The following TMEM209 variants were observed in gnomAD, a reference collection of about 807,000 sequenced individuals.
TMEM209 encodes the protein transmembrane protein 209.
A neutral mutation model predicts 76.2 loss-of-function variants in TMEM209; 65 were observed. The observed-to-expected ratio is 0.85, with a 90% CI of 0.70 to 1.05. TMEM209 has a LOEUF of 1.05. Among genes scored for constraint, TMEM209 ranks in the 50% least tolerant of loss-of-function variants. The pLI is 0.00. For synonymous variants in TMEM209, 239 were observed against 237.6 expected (o/e 1.01, Z -0.06); for missense variants, 623 against 685.5 (o/e 0.91, Z 1.02).
At chr7:130,191,103 G>A (rs1460893326) in intron 6 of TMEM209, among the ~76,000 whole-genome samples, 1 of 152,010 alleles carries the variant, frequency 6.6e-6, no homozygotes, top group Non-Finnish European at 1.5e-5. Flanking sequence ...GAAAACCCAT[G>A]GGTATAGAAG....
chr7:130,175,585 C>A lies in TMEM209; in HGVS notation c.1271G>T (p.Ser424Ile). 1.2e-6 allele frequency: 2 copies of A among 1,612,742 alleles called. No homozygotes were observed. Among genetic ancestry groups the A allele is most frequent in the Non-Finnish European group, 1.7e-6 (2 of 1,179,500 alleles). Residue 424 changes from serine to isoleucine, a missense_variant, in exon 11 of 15, where the codon AGC (serine) becomes ATC (isoleucine). By Grantham distance (142) the Ser-to-Ile change is moderately radical (BLOSUM62 -2). Coordinates refer to ENST00000397622, the MANE Select transcript of TMEM209 (RefSeq NM_032842.4). ...IKELSQGGCM[S>I]SFRWNRGGDF... ...GCCACCTCTGTTCCATCGAAATGAG[C>A]TCATACAACCTCCCTGAGATAGTTC...
At chr7:130,172,345 TTTTA>T (rs1313305135) in intron 13 of TMEM209, among the ~76,000 whole-genome samples, 10 of 152,186 alleles carry the variant, frequency 6.6e-5, no homozygotes, top group African/African-American at 2.4e-4. Context: ...ATTTATTTTA[TTTTA>T]TTTATTTTTT....
At chr7:130,203,323 G>A (rs939485646) in intron 3 of TMEM209, among the ~76,000 whole-genome samples, 3 of 152,118 alleles carry the variant, frequency 2.0e-5, no homozygotes, top group African/African-American at 4.8e-5. Context: ...ATCTCCCTGT[G>A]AAAGACTTTA....
intron 9 of TMEM209, 34 bp from the exon 10 acceptor site, chr7:130,178,561 T>A: frequency 6.2e-7 from 1 of 1,608,926 alleles, no homozygotes; most frequent in Non-Finnish European, 8.5e-7. Context: ...CACTGATTAT[T>A]CTAAAAGTGA....
intron 9 of TMEM209, among the ~76,000 whole-genome samples, chr7:130,179,119 C>A (rs1479432927): frequency 6.6e-6 from 1 of 152,124 alleles, no homozygotes; most frequent in Non-Finnish European, 1.5e-5. Context: ...TTGTCTATCT[C>A]ATTTACTAGA....
chr7:130,168,327 G>A (rs1796943236), intron 14 of TMEM209, among the ~76,000 whole-genome samples: 1 of 152,078 alleles, frequency 6.6e-6, no homozygotes, highest in Admixed American at 6.5e-5. Context: ...GATGCTCAAA[G>A]GAAATGCTCA....
chr7:130,184,854 T>C (rs1797541525), intron 7 of TMEM209, among the ~76,000 whole-genome samples: 1 of 152,248 alleles, frequency 6.6e-6, no homozygotes, highest in South Asian at 2.1e-4. Flanking sequence ...ACGAAATTAC[T>C]GACAAATATT....
At position 130,192,778 on chromosome 7, in the gene TMEM209, C is replaced by T. The variant is rs762026740; in HGVS notation, c.619G>A (p.Val207Ile). 1.2e-6 allele frequency: 2 copies of T among 1,613,964 alleles called. No homozygotes were observed. Among genetic ancestry groups the T allele is most frequent in the South Asian group, 2.2e-5 (2 of 91,084 alleles). Residue 207 changes from valine (V) to isoleucine (I), a missense_variant, in exon 6 of 15, where the codon GTT (valine) becomes ATT (isoleucine). Transcript: ENST00000397622. ...AATCCACTGCTCTCCACTGGTCCAA[C>T]AGTGGTAGGGTACGGAGAAGGAGGA... ...PSPPSPYPTT[V>I]GPVESSGLRS...
Position 130,166,503 on chromosome 7 carries a change from C to G in TMEM209, c.1634G>C (p.Arg545Thr). 1.3e-6 allele frequency: 2 copies of G among 1,530,190 alleles called. No individual in the cohort carries two copies. The highest frequency in any genetic ancestry group is 1.8e-6 in the Non-Finnish European group (2 of 1,139,630). 94.8% of individuals were successfully genotyped at this position (1,530,190 alleles called of 1,614,324 possible). A position where few individuals can be genotyped will look rare whatever the true frequency, so the allele number is the denominator to read the frequency against. ...CACACCAGATAGACCAAGATTAACT[C>G]TCCTATAAAGAGAAAAAAAATTTTT... ...IKTKESGMLG[R>T]VNLGLSGVNI... The change falls in exon 15 of 15, where the codon AGA becomes ACA. Residue 545 changes from arginine (R) to threonine (T), a missense_variant and splice_region_variant. Physicochemically the swap from Arg to Thr is moderately conservative, Grantham distance 71. Coordinates refer to ENST00000397622, the MANE Select transcript of TMEM209 (RefSeq NM_032842.4).
chr7:130,175,209 C>T, intron 11 of TMEM209: 1 of 275,758 alleles, frequency 3.6e-6, no homozygotes, highest in Non-Finnish European at 6.7e-6. Context: ...TGTCTGTAAA[C>T]CCAGCACTTT....
intron 9 of TMEM209, among the ~76,000 whole-genome samples, chr7:130,181,146 A>G (rs1023528642): frequency 1.3e-5 from 2 of 152,278 alleles, no homozygotes; most frequent in Admixed American, 1.3e-4. Context: ...TGATGTAATG[A>G]TAAATTCTAC....
chr7:130,174,847 A>T (rs1318355303), intron 11 of TMEM209, among the ~76,000 whole-genome samples: 1 of 152,188 alleles, frequency 6.6e-6, no homozygotes, highest in East Asian at 1.9e-4. Flanking sequence ...CTATAGGAGA[A>T]TAGTTAAATG....
chr7:130,189,548 A>G (rs972629898), intron 6 of TMEM209, among the ~76,000 whole-genome samples: 1 of 152,160 alleles, frequency 6.6e-6, no homozygotes, highest in African/African-American at 2.4e-5. Context: ...TGCATGTGAA[A>G]TATTCAGGAA....
rs773101353 is a variant in TMEM209, at chr7:130,178,404, T to C, written c.1244A>G (p.Lys415Arg). 5 of 1,608,500 alleles carry C rather than the reference T, an allele frequency of 3.1e-6. No homozygotes were observed. In the South Asian group the frequency reaches 4.4e-5, roughly 14 times the overall value. The change falls in exon 10 of 15, where the codon AAA (lysine) becomes AGA (arginine). Residue 415 changes from lysine to arginine, a missense_variant and splice_region_variant. Transcript: ENST00000397622. ...PNQEYLFERI[K>R]ELSQGGCMSS... is the part of the protein sequence containing the mutation. The stretch of plus-strand genomic sequence containing the variant: ...TTTCTCTTCAAATCAATAATTACCT[T>C]TGATCCTTTCAAACAAGTATTCCTG...
At chr7:130,175,000 T>C (rs1021566379) in intron 11 of TMEM209, among the ~76,000 whole-genome samples, 3 of 151,924 alleles carry the variant, frequency 2.0e-5, no homozygotes, top group Non-Finnish European at 4.4e-5. Flanking sequence ...CATTAAAAAA[T>C]AGTAGCCACC....
rs1211087905 is a variant in TMEM209, at chr7:130,178,315, TAA to T, written c.1246+85_1246+86del. The T allele has an allele frequency of 6.8e-6, 9 of 1,319,078 alleles. 1 individual carries two copies. Among genetic ancestry groups the T allele is most frequent in the Admixed American group, 2.7e-5 (1 of 37,496 alleles). The allele number at this position is 1,319,078 out of a possible 1,614,324, so 81.7% of individuals were successfully genotyped here. ...TTATAAGACATGTTATACTTTTAAT[TAA>T]AAGTTTTTCCTTGTTAATCTTCACT... On this transcript the variant is annotated intron_variant, in intron 10 of 14. Coordinates refer to ENST00000397622, the MANE Select transcript of TMEM209 (RefSeq NM_032842.4).
At chr7:130,181,748 T>C (rs1318356426) in intron 8 of TMEM209, 29 bp from the exon 9 acceptor site, 3 of 1,556,224 alleles carry the variant, frequency 1.9e-6, no homozygotes, top group East Asian at 2.3e-5. Context: ...AGATTTTGGA[T>C]ACATAATTCC....
At chr7:130,195,632 A>G (rs982533801) in intron 5 of TMEM209, among the ~76,000 whole-genome samples, 16 of 41,918 alleles carry the variant, frequency 3.8e-4, no homozygotes, top group African/African-American at 9.3e-4. Flanking sequence ...AGTTATTTGG[A>G]AAAAAAAAAA....
intron 5 of TMEM209, among the ~76,000 whole-genome samples, chr7:130,198,750 G>T (rs1261883431): frequency 2.0e-5 from 3 of 152,072 alleles, no homozygotes; most frequent in Admixed American, 6.5e-5. Flanking sequence ...TAATATTTTG[G>T]TGAGTATTTT....
Sources: gnomAD v4.1 joint callset for allele counts (sites outside exome capture counted in the v4.1 genomes callset) on GRCh38, gnomAD v4.1.1 for gene constraint, MANE v1.5 for transcripts, NCBI Gene and HGNC (gene_info 2026-07-23, HGNC 2026-07-21) for gene names.